The following PDZRN4 variants were observed in gnomAD, a reference collection of about 807,000 sequenced individuals.
PDZRN4 encodes the protein PDZ domain-containing RING finger protein 4.
In PDZRN4, 70 loss-of-function variants were observed where a neutral mutation model predicts 99.0. The observed-to-expected ratio is 0.71, with a 90% CI of 0.58 to 0.86. The LOEUF is 0.86. Ranked by LOEUF, PDZRN4 falls within the 40% of genes least tolerant of loss-of-function variation. PDZRN4 has a pLI of 0.00. For missense variants in PDZRN4, 1,474 were observed against 1,331.2 expected (o/e 1.11, Z -1.67); for synonymous variants, 551 against 501.6 (o/e 1.10, Z -1.32).
chr12:41,330,932 C>T (rs970691821), intron 3 of PDZRN4, among the ~76,000 whole-genome samples: 13 of 152,134 alleles, frequency 8.5e-5, no homozygotes, highest in Non-Finnish European at 1.8e-4. Flanking sequence ...TTTCAGTATC[C>T]AGCTTTAAAT....
At chr12:41,395,494 G>A (rs987529829) in intron 3 of PDZRN4, among the ~76,000 whole-genome samples, 8 of 152,146 alleles carry the variant, frequency 5.3e-5, no homozygotes, top group African/African-American at 1.9e-4. Flanking sequence ...CATGTTTACC[G>A]CTGAGTCATT....
At chr12:41,346,856 T>C (rs1240259711) in intron 3 of PDZRN4, among the ~76,000 whole-genome samples, 1 of 152,222 alleles carries the variant, frequency 6.6e-6, no homozygotes, top group Non-Finnish European at 1.5e-5. Context: ...TTTGTCTCTA[T>C]AGATTTGCCT....
chr12:41,235,745 CA>C (rs1951062537), intron 3 of PDZRN4, among the ~76,000 whole-genome samples: 1 of 152,188 alleles, frequency 6.6e-6, no homozygotes, highest in African/African-American at 2.4e-5. Context: ...GGCCATTTGG[CA>C]TACAGGCAAT....
chr12:41,428,438 ATT>A (rs925707512), intron 3 of PDZRN4, among the ~76,000 whole-genome samples: 1 of 152,194 alleles, frequency 6.6e-6, no homozygotes, highest in Non-Finnish European at 1.5e-5. Context: ...ATGACTGAAT[ATT>A]TGAGCAGAAT....
Position 41,573,972 on chromosome 12 carries a change from C to T in PDZRN4, c.*82C>T, listed in dbSNP as rs1477940883. 2.2e-5 allele frequency: 21 copies of T among 941,134 alleles called. No homozygotes were observed. The highest frequency in any genetic ancestry group is 2.9e-5 in the Non-Finnish European group (19 of 651,936). The allele number at this position is 941,134 out of a possible 1,614,324, so 58.3% of individuals were successfully genotyped here. ...AGTATGATTGCCTCGTTCAATGTGG[C>T]GTTTTTATATATATTTTGTGACTCT... On this transcript the variant is annotated 3_prime_UTR_variant, in exon 10 of 10. Coordinates refer to ENST00000402685, the MANE Select transcript of PDZRN4 (RefSeq NM_001164595.2).
chr12:41,572,285 GT>G, intron 9 of PDZRN4, 78 bp from the exon 10 acceptor site: 2 of 1,269,192 alleles, frequency 1.6e-6, no homozygotes, highest in Non-Finnish European at 2.2e-6. Flanking sequence ...GGAAACATTG[GT>G]TTTCAAACAA....
At chr12:41,411,067 A>ATTT (rs113666260) in intron 3 of PDZRN4, among the ~76,000 whole-genome samples, 54 of 140,434 alleles carry the variant, frequency 3.8e-4, no homozygotes, top group East Asian at 2.1e-3. Context: ...ATATATATAT[A>ATTT]TTTTTTTTTT....
chr12:41,324,566 C>A (rs1470784012), intron 3 of PDZRN4, among the ~76,000 whole-genome samples: 2 of 152,044 alleles, frequency 1.3e-5, no homozygotes, highest in Admixed American at 6.6e-5. Flanking sequence ...AATCCAGCAA[C>A]TGGTTTGTCA....
intron 3 of PDZRN4, among the ~76,000 whole-genome samples, chr12:41,397,029 T>G (rs1247374791): frequency 1.3e-5 from 2 of 152,148 alleles, no homozygotes; most frequent in Non-Finnish European, 2.9e-5. Context: ...AATACAGTTT[T>G]TATAATACTT....
At chr12:41,419,954 G>A (rs1051551426) in intron 3 of PDZRN4, among the ~76,000 whole-genome samples, 11 of 152,160 alleles carry the variant, frequency 7.2e-5, no homozygotes, top group African/African-American at 2.2e-4. Flanking sequence ...TCACTTCTAA[G>A]AGGCAGTTTC....
At chr12:41,378,782 G>A (rs1438373356) in intron 3 of PDZRN4, among the ~76,000 whole-genome samples, 7 of 151,900 alleles carry the variant, frequency 4.6e-5, no homozygotes, top group Non-Finnish European at 8.8e-5. Flanking sequence ...CTCAGCCTCC[G>A]AAAGTGCTGG....
intron 3 of PDZRN4, among the ~76,000 whole-genome samples, chr12:41,486,111 A>G (rs1436460148): frequency 6.6e-6 from 1 of 152,150 alleles, no homozygotes; most frequent in Non-Finnish European, 1.5e-5. Flanking sequence ...TAAAAACATT[A>G]TTTCAGCCCT....
chr12:41,251,842 A>T (rs984479524), intron 3 of PDZRN4, among the ~76,000 whole-genome samples: 18 of 152,170 alleles, frequency 1.2e-4, no homozygotes, highest in African/African-American at 4.3e-4. Context: ...AAGGCGAGGC[A>T]TGGTGGCTCA....
chr12:41,553,202 A>T (rs913773889), intron 6 of PDZRN4, among the ~76,000 whole-genome samples: 1 of 152,166 alleles, frequency 6.6e-6, no homozygotes, highest in African/African-American at 2.4e-5. Flanking sequence ...TTGAATACCC[A>T]ATGAGTGCAT....
At chr12:41,205,168 G>C (rs1421858960) in intron 3 of PDZRN4, among the ~76,000 whole-genome samples, 1 of 151,822 alleles carries the variant, frequency 6.6e-6, no homozygotes, top group African/African-American at 2.4e-5. Flanking sequence ...GTCCTACCAA[G>C]TTAACATAAA....
chr12:41,480,485 T>C (rs1044205247), intron 3 of PDZRN4, among the ~76,000 whole-genome samples: 8 of 152,172 alleles, frequency 5.3e-5, no homozygotes, highest in Admixed American at 2.6e-4. Context: ...ATAACATGCT[T>C]TGAGGATATA....
chr12:41,358,157 G>A (rs541866263), intron 3 of PDZRN4, among the ~76,000 whole-genome samples: 1 of 152,002 alleles, frequency 6.6e-6, no homozygotes, highest in Admixed American at 6.6e-5. Context: ...CCCTTAGTAG[G>A]AATTGATATT....
intron 3 of PDZRN4, among the ~76,000 whole-genome samples, chr12:41,262,492 T>A (rs1951247014): frequency 6.6e-6 from 1 of 152,226 alleles, no homozygotes; most frequent in Non-Finnish European, 1.5e-5. Context: ...AAAATTCAGT[T>A]ATTTTGTAAT....
Position 41,194,184 on chromosome 12 carries a change from T to G in PDZRN4, c.839T>G (p.Met280Arg). ...ADGLEIHDKI[M>R]EVNGKDLSKA... ...GGCCTGGAGATTCATGACAAAATCA[T>G]GGAGGTAAGACAATGATAAAACATG... The change falls in exon 3 of 10, where the codon ATG becomes AGG. Residue 280 changes from methionine to arginine, a missense_variant. Transcript: ENST00000402685. 7.2e-7 allele frequency: 1 copy of G among 1,392,952 alleles called. No homozygotes were observed. Among genetic ancestry groups the G allele is most frequent in the Non-Finnish European group, 1.0e-6 (1 of 992,156 alleles). 86.3% of individuals were successfully genotyped at this position (1,392,952 alleles called of 1,614,324 possible). A position where few individuals can be genotyped will look rare whatever the true frequency, so the allele number is the denominator to read the frequency against.
Sources: gnomAD v4.1 joint callset for allele counts (sites outside exome capture counted in the v4.1 genomes callset) on GRCh38, gnomAD v4.1.1 for gene constraint, MANE v1.5 for transcripts, NCBI Gene and HGNC (gene_info 2026-07-23, HGNC 2026-07-21) for gene names.